TPCN2: variants seen among roughly 807,000 people sequenced by gnomAD.
TPCN2 encodes two pore segment channel 2.
In TPCN2, 92 loss-of-function variants were observed where a neutral mutation model predicts 111.4. The observed-to-expected ratio is 0.83, with a 90% CI of 0.70 to 0.98. TPCN2 has a LOEUF of 0.98. Ranked by LOEUF, TPCN2 falls within the 50% of genes least tolerant of loss-of-function variation. The pLI is 0.00. For synonymous variants in TPCN2, 405 were observed against 414.5 expected (o/e 0.98, Z 0.28); for missense variants, 995 against 980.1 (o/e 1.02, Z -0.20).
intron 5 of TPCN2, among the ~76,000 whole-genome samples, chr11:69,059,722 T>A (rs1437785637): frequency 6.6e-6 from 1 of 152,204 alleles, no homozygotes; most frequent in Non-Finnish European, 1.5e-5. Context: ...GGTCCTGGGA[T>A]GGTGCTGGGA....
In TPCN2 at chr11:69,078,750, A is replaced by G; in HGVS notation, c.1367A>G (p.Asp456Gly). 6.2e-7 allele frequency: 1 copy of G among 1,613,968 alleles called. No individual in the cohort carries two copies. Among genetic ancestry groups the G allele is most frequent in the Non-Finnish European group, 8.5e-7 (1 of 1,180,028 alleles). ...GCGTTGCAGGTGTTCCTGGTGCTGG[A>G]TGCAGATGTGCTGCCTGCTGAGCGT... ...LVSICVFLVL[D>G]ADVLPAERDD... Residue 456 changes from aspartate to glycine, a missense_variant, in exon 15 of 25, where the codon GAT (aspartate) becomes GGT (glycine). Asp to Gly is a moderately conservative substitution (Grantham distance 94). Transcript: ENST00000294309.
At chr11:69,072,197 T>C (rs1444746914) in intron 11 of TPCN2, among the ~76,000 whole-genome samples, 174 bp downstream of exon 11, 2 of 151,936 alleles carry the variant, frequency 1.3e-5, no homozygotes, top group Non-Finnish European at 2.9e-5. Flanking sequence ...CCCGGCGTCC[T>C]TGTCCTGAGT....
Position 69,078,625 on chromosome 11 carries a change from C to T in TPCN2, c.1350+24C>T, listed in dbSNP as rs202059650. The T allele has an allele frequency of 2.2e-4, 362 of 1,613,792 alleles. 2 individuals carry two copies. The Admixed American group carries it at 2.7e-3, about 12-fold the overall frequency. On this transcript the variant is annotated intron_variant, in intron 14 of 24. Transcript: ENST00000294309. The stretch of plus-strand genomic sequence containing the variant: ...GCGTGAGTGTGGATTTGCCCCAGAG[C>T]TGGCACGGAAGTGCCGGTTCCCGCC...
At chr11:69,065,404 G>C (rs1159828434) in intron 7 of TPCN2, among the ~76,000 whole-genome samples, 4 of 152,202 alleles carry the variant, frequency 2.6e-5, no homozygotes, top group Non-Finnish European at 5.9e-5. Flanking sequence ...GAGGCACCTG[G>C]AAGGGTTGGC....
In TPCN2 at chr11:69,081,644, C is replaced by T. The variant is rs116299258; in HGVS notation, c.1689+145C>T. On this transcript the variant is annotated intron_variant, in intron 18 of 24. Coordinates refer to ENST00000294309, the MANE Select transcript of TPCN2 (RefSeq NM_139075.4). ...CCTGGCTGCACCCTCAGCTCTCTGC[C>T]GTGCTCTTGTGATGCTGGGGAAGGG... 1.6e-3 allele frequency: 895 copies of T among 569,886 alleles called. 6 individuals carry two copies. The highest frequency in any genetic ancestry group is 0.015 in the African/African-American group (833 of 53,790). The allele number at this position is 569,886 out of a possible 1,614,324, so 35.3% of individuals were successfully genotyped here.
intron 11 of TPCN2, among the ~76,000 whole-genome samples, chr11:69,072,405 A>G (rs1039571836): frequency 2.0e-5 from 3 of 151,716 alleles, no homozygotes; most frequent in South Asian, 2.1e-4. Flanking sequence ...ATTGCAGTGG[A>G]AAGTTCTGGT....
At chr11:69,053,146 G>T (rs909874188) in intron 1 of TPCN2, among the ~76,000 whole-genome samples, 1 of 152,228 alleles carries the variant, frequency 6.6e-6, no homozygotes, top group African/African-American at 2.4e-5. Flanking sequence ...TGGCTTCTGT[G>T]CCGCCTGACT....
At chr11:69,081,092 C>T (rs1487571643) in intron 17 of TPCN2, among the ~76,000 whole-genome samples, 2 of 152,020 alleles carry the variant, frequency 1.3e-5, no homozygotes, top group Non-Finnish European at 2.9e-5. Context: ...ACCTCCATGC[C>T]CTCCCGTGTG....
chr11:69,078,712 G>C, intron 14 of TPCN2, 22 bp from the exon 15 acceptor site: 1 of 1,613,748 alleles, frequency 6.2e-7, no homozygotes, highest in South Asian at 1.1e-5. Flanking sequence ...CAGCCGGCGA[G>C]CCCTCTGTTC....
intron 5 of TPCN2, among the ~76,000 whole-genome samples, chr11:69,059,151 G>C (rs1409833180): frequency 6.6e-6 from 1 of 152,170 alleles, no homozygotes; most frequent in Non-Finnish European, 1.5e-5. Context: ...AGGGGCCCGA[G>C]TCCTTGGTGG....
intron 13 of TPCN2, among the ~76,000 whole-genome samples, chr11:69,076,950 C>T (rs111200392): frequency 4.1e-5 from 4 of 98,102 alleles, no homozygotes; most frequent in Admixed American, 1.1e-4. Flanking sequence ...TGCCCTCCTG[C>T]TGTGTCCCTC....
chr11:69,087,082 C>T (rs753364405), intron 23 of TPCN2, 30 bp from the exon 24 acceptor site: 2 of 1,594,498 alleles, frequency 1.3e-6, no homozygotes, highest in Admixed American at 1.7e-5. Context: ...TCGGGGCCCA[C>T]ACTCACTGGC....
chr11:69,083,224 T>C (rs908482901), intron 18 of TPCN2: 1 of 153,002 alleles, frequency 6.5e-6, no homozygotes, highest in African/African-American at 2.4e-5. Context: ...GACCCTGCAA[T>C]CATGCCGTTT....
chr11:69,080,228 C>T (rs1590746453), intron 17 of TPCN2, among the ~76,000 whole-genome samples: 1 of 152,238 alleles, frequency 6.6e-6, no homozygotes, highest in East Asian at 1.9e-4. Flanking sequence ...TCTCAGGGGA[C>T]CTGTGACCAC....
At chr11:69,080,718 C>T (rs751395718) in intron 17 of TPCN2, among the ~76,000 whole-genome samples, 10 of 152,304 alleles carry the variant, frequency 6.6e-5, no homozygotes, top group Non-Finnish European at 1.5e-4. Context: ...CTAGGAAGCC[C>T]CCCAGAACTT....
chr11:69,083,051 G>T (rs926291669), intron 18 of TPCN2: 1 of 145,752 alleles, frequency 6.9e-6, no homozygotes, highest in Admixed American at 7.2e-5. Context: ...ACTCGTGCCC[G>T]TGTAAGACAC....
At chr11:69,087,467 G>C (rs961266850) in intron 24 of TPCN2, among the ~76,000 whole-genome samples, 1 of 152,322 alleles carries the variant, frequency 6.6e-6, no homozygotes, top group Non-Finnish European at 1.5e-5. Flanking sequence ...ATCCTTCAGG[G>C]TCCATTGGAT....
intron 13 of TPCN2, among the ~76,000 whole-genome samples, chr11:69,076,502 C>T (rs112763315): frequency 3.3e-5 from 5 of 152,126 alleles, no homozygotes; most frequent in African/African-American, 9.6e-5. Context: ...CACCACACTC[C>T]GATCCACCCC....
Position 69,087,081 on chromosome 11 carries a change from ACACTCACTGGC to A in TPCN2, c.2086-25_2086-15del. Reference sequence around the variant, plus strand: ...GCAAGGCTGCTTTCATTCGGGGCCCACACTCACTGGCCACTCCTCCTGCTTGCCAGAACTTC... The same window carrying A: ...GCAAGGCTGCTTTCATTCGGGGCCCACACTCCTCCTGCTTGCCAGAACTTC... On this transcript the variant is annotated intron_variant, in intron 23 of 24. Transcript: ENST00000294309. 6.3e-7 allele frequency: 1 copy of A among 1,593,806 alleles called. No homozygotes were observed. The highest frequency in any genetic ancestry group is 8.6e-7 in the Non-Finnish European group (1 of 1,162,290).
Sources: allele counts gnomAD v4.1 joint callset (sites outside exome capture counted in the v4.1 genomes callset), GRCh38; gene constraint gnomAD v4.1.1; transcripts MANE v1.5; gene names NCBI Gene and HGNC (gene_info 2026-07-23, HGNC 2026-07-21).